The following TESK2 variants were observed in gnomAD, a reference collection of about 807,000 sequenced individuals.
The protein encoded by TESK2 is dual specificity testis-specific protein kinase 2.
A neutral mutation model predicts 57.1 loss-of-function variants in TESK2; 39 were observed. The ratio of observed to expected loss-of-function variants is 0.68; its 90% CI spans 0.53 to 0.89. The LOEUF is 0.89. Among genes scored for constraint, TESK2 ranks in the 40% least tolerant of loss-of-function variants. The pLI is 0.00. For missense variants in TESK2, 646 were observed against 732.1 expected (o/e 0.88, Z 1.36); for synonymous variants, 249 against 267.9 (o/e 0.93, Z 0.69).
chr1:45,450,641 G>A lies in TESK2; in HGVS notation c.222+6923C>T, dbSNP rs79488800. Among the ~76,000 whole-genome samples the A allele has an allele frequency of 2.7e-3, 408 of 152,162 alleles. 9 individuals are homozygous for A. In the East Asian group the frequency reaches 0.073, roughly 27 times the overall value. ...TAATCAATGGCATCTTATATTCAAC[G>A]AAATCTGTCATAAAAGCATGAGGAA... is the stretch of plus-strand genomic sequence containing the variant. On this transcript the variant is annotated intron_variant, in intron 2 of 10. Transcript: ENST00000372086.
At chr1:45,384,618 T>TA (rs1648817205) in intron 4 of TESK2, among the ~76,000 whole-genome samples, 2 of 136,802 alleles carry the variant, frequency 1.5e-5, no homozygotes, top group African/African-American at 5.6e-5. Context: ...TTTTTTTTTT[T>TA]TTTTTTTTGT....
At chr1:45,488,224 A>AT (rs1479573285) in intron 1 of TESK2, among the ~76,000 whole-genome samples, 2 of 151,890 alleles carry the variant, frequency 1.3e-5, no homozygotes, top group Non-Finnish European at 2.9e-5. Flanking sequence ...CTGGCCAACA[A>AT]TTTTTTTTGT....
intron 3 of TESK2, among the ~76,000 whole-genome samples, chr1:45,418,981 CTTTT>C (rs201981155): frequency 7.1e-6 from 1 of 141,108 alleles, no homozygotes. Flanking sequence ...TTCCCTGACC[CTTTT>C]TTTTTTTTTT....
intron 4 of TESK2, among the ~76,000 whole-genome samples, chr1:45,375,517 T>C (rs891852432): frequency 8.6e-5 from 13 of 151,238 alleles, no homozygotes; most frequent in African/African-American, 3.2e-4. Context: ...TGTTGAAAAT[T>C]GTAAACCACC....
chr1:45,413,510 A>G (rs1225293042), intron 3 of TESK2, among the ~76,000 whole-genome samples: 1 of 152,226 alleles, frequency 6.6e-6, no homozygotes, highest in Non-Finnish European at 1.5e-5. Flanking sequence ...GATCATGCAG[A>G]TAGGCTTCTT....
At chr1:45,410,137 C>T (rs976156618) in intron 3 of TESK2, among the ~76,000 whole-genome samples, 2 of 151,900 alleles carry the variant, frequency 1.3e-5, no homozygotes, top group African/African-American at 4.8e-5. Context: ...GCCTGGGTGA[C>T]AGAGTGAGAC....
At position 45,397,275 on chromosome 1, in the gene TESK2, T is replaced by C. The variant is rs72892532; in HGVS notation, c.345-11315A>G. Among the ~76,000 whole-genome samples, 1,267 of 152,282 alleles carry C rather than the reference T, an allele frequency of 8.3e-3. 18 individuals carry two copies. The highest frequency in any genetic ancestry group is 0.029 in the African/African-American group (1,189 of 41,554). ...AAGAAACTGAGGCACAGAGATTAAGTAACTTGCCCCAAATCATACAGCTAA... is the reference window on the plus strand; with the variant it reads ...AAGAAACTGAGGCACAGAGATTAAGCAACTTGCCCCAAATCATACAGCTAA... On this transcript the variant is annotated intron_variant, in intron 3 of 10. Coordinates refer to ENST00000372086, the MANE Select transcript of TESK2 (RefSeq NM_007170.3).
intron 3 of TESK2, among the ~76,000 whole-genome samples, chr1:45,414,702 C>T (rs1443146874): frequency 6.6e-6 from 1 of 152,142 alleles, no homozygotes; most frequent in African/African-American, 2.4e-5. Flanking sequence ...GTAGGTAGCC[C>T]AGCATTATCA....
chr1:45,359,047 C>T (rs1356419980), intron 4 of TESK2, among the ~76,000 whole-genome samples: 1 of 152,170 alleles, frequency 6.6e-6, no homozygotes, highest in Non-Finnish European at 1.5e-5. Flanking sequence ...TATCTTAATA[C>T]ATATTTTTGG....
intron 3 of TESK2, among the ~76,000 whole-genome samples, chr1:45,416,199 C>T (rs1203579108): frequency 6.7e-6 from 1 of 149,316 alleles, no homozygotes. Context: ...CCTCCCACCT[C>T]AGCCTCTAAA....
At chr1:45,440,950 A>T (rs936952051) in intron 2 of TESK2, among the ~76,000 whole-genome samples, 9 of 152,266 alleles carry the variant, frequency 5.9e-5, no homozygotes, top group African/African-American at 2.2e-4. Context: ...CAACAACCAC[A>T]TAAAGTTAGT....
At chr1:45,388,549 G>A (rs1200232849) in intron 3 of TESK2, among the ~76,000 whole-genome samples, 1 of 151,980 alleles carries the variant, frequency 6.6e-6, no homozygotes, top group Non-Finnish European at 1.5e-5. Flanking sequence ...TGTTATAATG[G>A]CAGAGTTGAA....
intron 4 of TESK2, among the ~76,000 whole-genome samples, chr1:45,366,747 C>T (rs1647936164): frequency 6.6e-6 from 1 of 152,034 alleles, no homozygotes; most frequent in African/African-American, 2.4e-5. Flanking sequence ...GAAGCCCCAC[C>T]CCTCAATTTA....
chr1:45,361,801 T>C (rs1297067951), intron 4 of TESK2, among the ~76,000 whole-genome samples: 2 of 152,196 alleles, frequency 1.3e-5, no homozygotes, highest in Admixed American at 1.3e-4. Context: ...CAAACATTTA[T>C]TGAGCACTCC....
chr1:45,469,176 AAGTT>A (rs1652669782), intron 1 of TESK2, among the ~76,000 whole-genome samples: 1 of 152,226 alleles, frequency 6.6e-6, no homozygotes, highest in Non-Finnish European at 1.5e-5. Context: ...AATTAAAAAA[AAGTT>A]AGTGAACTAA....
At chr1:45,476,406 G>A (rs1431923293) in intron 1 of TESK2, among the ~76,000 whole-genome samples, 2 of 152,150 alleles carry the variant, frequency 1.3e-5, no homozygotes, top group South Asian at 2.1e-4. Flanking sequence ...TACTTGGGAG[G>A]CTGAGGCAGG....
intron 4 of TESK2, among the ~76,000 whole-genome samples, chr1:45,361,534 C>T (rs76113517): frequency 0.021 from 3,241 of 152,270 alleles, 126 homozygotes; most frequent in African/African-American, 0.074. Flanking sequence ...CACTTCCTCA[C>T]GGTCTAATAA....
chr1:45,373,901 C>T (rs1648303589), intron 4 of TESK2, among the ~76,000 whole-genome samples: 1 of 152,192 alleles, frequency 6.6e-6, no homozygotes, highest in Admixed American at 6.5e-5. Context: ...TGGAACAGCT[C>T]CCAGGAGCCA....
At chr1:45,354,413 G>A (rs1348767454) in intron 5 of TESK2, among the ~76,000 whole-genome samples, 1 of 152,100 alleles carries the variant, frequency 6.6e-6, no homozygotes. Flanking sequence ...ATCACCTGAG[G>A]TCAGGAGTTT....
Sources: gnomAD v4.1 joint callset for allele counts (sites outside exome capture counted in the v4.1 genomes callset) on GRCh38, gnomAD v4.1.1 for gene constraint, MANE v1.5 for transcripts, NCBI Gene and HGNC (gene_info 2026-07-23, HGNC 2026-07-21) for gene names.